The following NCOA1 variants were observed in gnomAD, a reference collection of about 807,000 sequenced individuals.
The protein encoded by NCOA1 is nuclear receptor coactivator 1.
In NCOA1, 35 loss-of-function variants were observed where a neutral mutation model predicts 150.9. The ratio of observed to expected loss-of-function variants is 0.23; its 90% CI spans 0.18 to 0.31. NCOA1 has a LOEUF of 0.31. Among genes scored for constraint, NCOA1 ranks in the 10% least tolerant of loss-of-function variants. NCOA1 has a pLI of 1.00. For missense variants in NCOA1, 1,491 were observed against 1,749.3 expected (o/e 0.85, Z 2.63); for synonymous variants, 590 against 630.0 (o/e 0.94, Z 0.95).
chr2:24,533,922 G>T (rs1665007801), intron 1 of NCOA1, among the ~76,000 whole-genome samples: 3 of 152,136 alleles, frequency 2.0e-5, no homozygotes, highest in South Asian at 4.1e-4. Context: ...TTGTGTCTCT[G>T]CCAGGCTTTG....
At chr2:24,766,728 G>A (rs1208974885) in intron 22 of NCOA1, among the ~76,000 whole-genome samples, 2 of 146,854 alleles carry the variant, frequency 1.4e-5, no homozygotes, top group Non-Finnish European at 1.5e-5. Context: ...CAGGAGGATC[G>A]TTGACCTAGG....
intron 10 of NCOA1, among the ~76,000 whole-genome samples, chr2:24,695,732 C>G (rs998075744): frequency 6.6e-6 from 1 of 152,098 alleles, no homozygotes; most frequent in Middle Eastern, 3.2e-3. Flanking sequence ...GTTGGTTAAA[C>G]TTTCCTGTAG....
intron 1 of NCOA1, among the ~76,000 whole-genome samples, chr2:24,553,001 A>T (rs1034311150): frequency 7.2e-5 from 11 of 152,178 alleles, no homozygotes; most frequent in African/African-American, 2.7e-4. Flanking sequence ...GCATCACTGT[A>T]CTGACAGTGT....
At chr2:24,718,770 G>A (rs888846458) in intron 14 of NCOA1, among the ~76,000 whole-genome samples, 1 of 150,920 alleles carries the variant, frequency 6.6e-6, no homozygotes, top group African/African-American at 2.4e-5. Flanking sequence ...TCAGGAGGCT[G>A]AGGCAGGAGA....
intron 7 of NCOA1, among the ~76,000 whole-genome samples, chr2:24,677,588 T>C (rs1304369178): frequency 1.3e-5 from 2 of 152,242 alleles, no homozygotes; most frequent in South Asian, 4.1e-4. Flanking sequence ...CATGCCCGGC[T>C]AATTTTTGTA....
chr2:24,532,446 C>G (rs932118104), intron 1 of NCOA1, among the ~76,000 whole-genome samples: 16 of 152,272 alleles, frequency 1.1e-4, no homozygotes, highest in Middle Eastern at 6.8e-3. Context: ...TGCAGAAGCT[C>G]TTTAGTTTAA....
intron 1 of NCOA1, among the ~76,000 whole-genome samples, chr2:24,515,745 G>A (rs914363945): frequency 6.6e-6 from 1 of 152,210 alleles, no homozygotes; most frequent in Non-Finnish European, 1.5e-5. Flanking sequence ...GAAAAAACCT[G>A]TAGAGCAAGT....
At chr2:24,533,634 T>C (rs1377134920) in intron 1 of NCOA1, among the ~76,000 whole-genome samples, 1 of 152,204 alleles carries the variant, frequency 6.6e-6, no homozygotes, top group Non-Finnish European at 1.5e-5. Context: ...AATACCTAGT[T>C]TATTGAGAGT....
At chr2:24,659,365 T>C (rs1008666629) in intron 5 of NCOA1, among the ~76,000 whole-genome samples, 3 of 152,134 alleles carry the variant, frequency 2.0e-5, no homozygotes, top group Non-Finnish European at 4.4e-5. Flanking sequence ...TAAAAAATGA[T>C]TGTGTAGTTA....
At chr2:24,714,717 G>A (rs1489283852) in intron 14 of NCOA1, among the ~76,000 whole-genome samples, 2 of 152,024 alleles carry the variant, frequency 1.3e-5, no homozygotes, top group Non-Finnish European at 2.9e-5. Context: ...AAGCAGTCTA[G>A]TATACACATA....
In NCOA1 at chr2:24,534,654, G is replaced by A. The variant is rs867209948; in HGVS notation, c.-395-29641G>A. Among the ~76,000 whole-genome samples the A allele has an allele frequency of 4.6e-5, 7 of 152,134 alleles. 1 individual carries two copies. In the South Asian group the frequency reaches 6.2e-4, roughly 14 times the overall value. On this transcript the variant is annotated intron_variant, in intron 1 of 22. Transcript: ENST00000348332. ...CAGAGATTCTGGTAGTTGTGTCTTC[G>A]TTCTCATTGGTTTTGAAGAACATCT...
At chr2:24,496,342 T>A (rs1446062954) in intron 1 of NCOA1, among the ~76,000 whole-genome samples, 15 of 152,236 alleles carry the variant, frequency 9.9e-5, no homozygotes, top group Admixed American at 9.8e-4. Context: ...AGATGGCATA[T>A]GCAGAAATAC....
intron 3 of NCOA1, among the ~76,000 whole-genome samples, chr2:24,594,255 C>T (rs1448474269): frequency 1.3e-5 from 2 of 152,008 alleles, no homozygotes; most frequent in Non-Finnish European, 2.9e-5. Flanking sequence ...TATAATAAAA[C>T]ATACGATTAT....
intron 14 of NCOA1, among the ~76,000 whole-genome samples, chr2:24,725,532 C>T (rs1674571145): frequency 6.6e-6 from 1 of 152,028 alleles, no homozygotes; most frequent in South Asian, 2.1e-4. Context: ...GGCCCTGTCT[C>T]CAAATATAGT....
intron 1 of NCOA1, among the ~76,000 whole-genome samples, chr2:24,558,760 C>G (rs1488912730): frequency 6.6e-6 from 1 of 152,178 alleles, no homozygotes; most frequent in African/African-American, 2.4e-5. Flanking sequence ...GTCTCCTGAG[C>G]TGGGGCATGT....
At chr2:24,608,164 CTT>C (rs1287883530) in intron 3 of NCOA1, among the ~76,000 whole-genome samples, 1 of 151,008 alleles carries the variant, frequency 6.6e-6, no homozygotes, top group African/African-American at 2.4e-5. Context: ...TTTCAAAAAA[CTT>C]TTTTAGCAAT....
At chr2:24,590,933 G>T (rs1667631447) in intron 3 of NCOA1, among the ~76,000 whole-genome samples, 1 of 152,088 alleles carries the variant, frequency 6.6e-6, no homozygotes, top group African/African-American at 2.4e-5. Context: ...TAAATAGCAT[G>T]CAGGCAGAGA....
chr2:24,502,965 C>T (rs1253893571), intron 1 of NCOA1, among the ~76,000 whole-genome samples: 1 of 152,042 alleles, frequency 6.6e-6, no homozygotes, highest in East Asian at 1.9e-4. Context: ...TTTTGTGTGT[C>T]CTGTCTCCTG....
chr2:24,749,663 C>T (rs1189016187), intron 19 of NCOA1, among the ~76,000 whole-genome samples: 1 of 152,124 alleles, frequency 6.6e-6, no homozygotes, highest in Non-Finnish European at 1.5e-5. Flanking sequence ...AAGAATTAAC[C>T]TGTTTCCATG....
Sources: allele counts gnomAD v4.1 joint callset (sites outside exome capture counted in the v4.1 genomes callset), GRCh38; gene constraint gnomAD v4.1.1; transcripts MANE v1.5; gene names NCBI Gene and HGNC (gene_info 2026-07-23, HGNC 2026-07-21).